ADK: variants seen among roughly 807,000 people sequenced by gnomAD.
ADK encodes adenosine kinase, also known as N6,N6-dimethyladenosine kinase.
ADK carries 24 observed loss-of-function variants against 44.7 expected under a neutral mutation model. The ratio of observed to expected loss-of-function variants is 0.54; its 90% CI spans 0.39 to 0.76. ADK has a LOEUF of 0.76. Ranked by LOEUF, ADK falls within the 30% of genes least tolerant of loss-of-function variation. The probability of loss-of-function intolerance (pLI) is 0.00; values close to 1 mark genes in which losing one functional copy is unlikely to be tolerated. For missense variants in ADK, 321 were observed against 425.1 expected (o/e 0.76, Z 2.15); for synonymous variants, 128 against 142.6 (o/e 0.90, Z 0.73).
intron 6 of ADK, among the ~76,000 whole-genome samples, chr10:74,479,725 C>T (rs1846996876): frequency 6.6e-6 from 1 of 151,828 alleles, no homozygotes; most frequent in Non-Finnish European, 1.5e-5. Context: ...TTATGGTGGC[C>T]TTAATCCCCA....
In ADK at chr10:74,587,989, A is replaced by G. The variant is rs374939575; in HGVS notation, c.727-1293A>G. ...GCATATTAAAATTTTTTAACCATAC[A>G]TATTTTTAATGCTCAACTGTTTTTA... On this transcript the variant is annotated intron_variant, in intron 7 of 10. Transcript: ENST00000539909. 5.9e-5 allele frequency among the ~76,000 whole-genome samples: 9 copies of G among 152,218 alleles called. No individual in the cohort carries two copies. The South Asian group carries it at 1.9e-3, about 32-fold the overall frequency.
chr10:74,473,108 A>G (rs941587579), intron 6 of ADK, among the ~76,000 whole-genome samples: 6 of 151,750 alleles, frequency 4.0e-5, no homozygotes, highest in African/African-American at 1.5e-4. Context: ...TCCCACTTCA[A>G]CCTCCTGAGT....
chr10:74,313,722 A>T (rs1299282886), intron 3 of ADK, among the ~76,000 whole-genome samples: 3 of 151,062 alleles, frequency 2.0e-5, no homozygotes, highest in African/African-American at 7.3e-5. Context: ...TTTTTCCAAC[A>T]TTTCTCTCTT....
intron 10 of ADK, among the ~76,000 whole-genome samples, chr10:74,673,353 A>C (rs181523290): frequency 2.2e-4 from 33 of 152,360 alleles, no homozygotes; most frequent in African/African-American, 7.9e-4. Flanking sequence ...GTGAAGCAGG[A>C]TATTTCCCTA....
chr10:74,281,597 C>G (rs868712983), intron 3 of ADK, among the ~76,000 whole-genome samples: 2 of 152,178 alleles, frequency 1.3e-5, no homozygotes, highest in South Asian at 4.1e-4. Context: ...ATCCCTGGAG[C>G]TGCTGTAGCT....
intron 9 of ADK, among the ~76,000 whole-genome samples, chr10:74,625,945 CTAAA>C (rs1012920870): frequency 1.3e-4 from 19 of 151,690 alleles, no homozygotes; most frequent in Non-Finnish European, 2.6e-4. Context: ...GTAGTTGATA[CTAAA>C]TAAATAAATC....
At chr10:74,680,886 T>G (rs544804811) in intron 10 of ADK, among the ~76,000 whole-genome samples, 4 of 152,320 alleles carry the variant, frequency 2.6e-5, no homozygotes, top group African/African-American at 9.6e-5. Flanking sequence ...AACGTTGACA[T>G]TTTATAGAAT....
chr10:74,589,887 C>T lies in ADK; in HGVS notation c.762+570C>T, dbSNP rs533434683. 1.3e-3 allele frequency among the ~76,000 whole-genome samples: 191 copies of T among 151,964 alleles called. 1 individual carries two copies. Among genetic ancestry groups the T allele is most frequent in the African/African-American group, 4.3e-3 (177 of 41,482 alleles). The stretch of plus-strand genomic sequence containing the variant: ...CTCTCCCTCTTTTTTTCTGGGGAGA[C>T]GGAGGTAGCATAAAATATACATACA... On this transcript the variant is annotated intron_variant, in intron 8 of 10. Coordinates refer to ENST00000539909, the MANE Select transcript of ADK (RefSeq NM_006721.4).
intron 7 of ADK, among the ~76,000 whole-genome samples, chr10:74,583,712 G>A (rs932348928): frequency 1.3e-5 from 2 of 152,124 alleles, no homozygotes; most frequent in Admixed American, 6.5e-5. Context: ...AACATAATTT[G>A]AATGTGAAAT....
chr10:74,356,012 T>TG (rs1266981597), intron 4 of ADK, among the ~76,000 whole-genome samples: 1 of 131,020 alleles, frequency 7.6e-6, no homozygotes, highest in Non-Finnish European at 1.6e-5. Flanking sequence ...ATTTTTTTTT[T>TG]TTTTTTTTTT....
chr10:74,259,299 A>G (rs1266793471), intron 3 of ADK, among the ~76,000 whole-genome samples: 1 of 151,016 alleles, frequency 6.6e-6, no homozygotes, highest in Non-Finnish European at 1.5e-5. Context: ...GCACAAATGT[A>G]TTTTTTTCAG....
At chr10:74,685,201 A>G (rs1470251596) in intron 10 of ADK, among the ~76,000 whole-genome samples, 1 of 152,234 alleles carries the variant, frequency 6.6e-6, no homozygotes, top group Non-Finnish European at 1.5e-5. Context: ...GCTGCAGTCA[A>G]GCAAAAATGA....
intron 8 of ADK, among the ~76,000 whole-genome samples, chr10:74,593,048 C>G (rs1165626997): frequency 6.6e-6 from 1 of 152,150 alleles, no homozygotes; most frequent in Non-Finnish European, 1.5e-5. Context: ...TGTATTCAGG[C>G]AGTGTTGATT....
chr10:74,277,485 C>G (rs920502324), intron 3 of ADK, among the ~76,000 whole-genome samples: 3 of 151,168 alleles, frequency 2.0e-5, no homozygotes, highest in African/African-American at 7.3e-5. Context: ...CAAGCTCCCC[C>G]TCCCGGGTTC....
intron 3 of ADK, among the ~76,000 whole-genome samples, chr10:74,234,091 G>C (rs959314226): frequency 6.6e-6 from 1 of 152,202 alleles, no homozygotes; most frequent in Non-Finnish European, 1.5e-5. Context: ...TTTAATGTAA[G>C]AGTTATGCCA....
At chr10:74,340,215 G>A (rs1841538468) in intron 4 of ADK, among the ~76,000 whole-genome samples, 1 of 152,106 alleles carries the variant, frequency 6.6e-6, no homozygotes, top group African/African-American at 2.4e-5. Context: ...CAGAAAAATA[G>A]TATTTTGGAT....
At chr10:74,580,577 A>C (rs1851339912) in intron 7 of ADK, among the ~76,000 whole-genome samples, 1 of 148,350 alleles carries the variant, frequency 6.7e-6, no homozygotes, top group South Asian at 2.1e-4. Context: ...CTCCATCTAA[A>C]AAAAAAAAAA....
chr10:74,574,422 G>GA (rs1851107254), intron 7 of ADK, among the ~76,000 whole-genome samples: 1 of 152,094 alleles, frequency 6.6e-6, no homozygotes, highest in Admixed American at 6.5e-5. Flanking sequence ...GCCTGCCTCA[G>GA]CCTCCCAAAG....
At chr10:74,244,915 T>C (rs1479567082) in intron 3 of ADK, among the ~76,000 whole-genome samples, 1 of 152,236 alleles carries the variant, frequency 6.6e-6, no homozygotes, top group Non-Finnish European at 1.5e-5. Context: ...AATACACTTT[T>C]CAGTAAAGCT....
Sources: allele counts gnomAD v4.1 joint callset (sites outside exome capture counted in the v4.1 genomes callset), GRCh38; gene constraint gnomAD v4.1.1; transcripts MANE v1.5; gene names NCBI Gene and HGNC (gene_info 2026-07-23, HGNC 2026-07-21).